Variants in RBM33 observed in about 807,000 individuals in gnomAD.
RBM33 encodes RNA-binding protein 33.
In RBM33, 28 loss-of-function variants were observed where a neutral mutation model predicts 132.6. That is an observed-to-expected ratio of 0.21 (90% CI 0.16 to 0.29). RBM33 has a LOEUF of 0.29. RBM33 is among the 10% of genes least tolerant of loss of function. The pLI, the probability that RBM33 is intolerant of heterozygous loss-of-function variation, is 1.00. For missense variants in RBM33, 1,291 were observed against 1,518.5 expected (o/e 0.85, Z 2.49); for synonymous variants, 634 against 593.0 (o/e 1.07, Z -1.01).
In RBM33 at chr7:155,739,694, CTCTT is replaced by C. The variant is rs1349007543; in HGVS notation, c.1738-15_1738-12del. 1.3e-6 allele frequency: 2 copies of C among 1,530,846 alleles called. No homozygotes were observed. The highest frequency in any genetic ancestry group is 1.8e-6 in the Non-Finnish European group (2 of 1,136,502). 94.8% of individuals were successfully genotyped at this position (1,530,846 alleles called of 1,614,324 possible). On this transcript the variant is annotated splice_polypyrimidine_tract_variant and intron_variant, in intron 11 of 17. Coordinates refer to ENST00000401878, the MANE Select transcript of RBM33 (RefSeq NM_053043.3). ...TGTAACCATTTATGAACTGTTGTTT[CTCTT>C]TCTTTGGAAATGGAAGGGGCCGTTG...
chr7:155,739,768 T>C lies in RBM33; in HGVS notation c.1791T>C (p.Pro597=). The change falls in exon 12 of 18, where the codon CCT becomes CCC. Residue 597 remains proline (P), a synonymous_variant. Transcript: ENST00000401878. The part of the protein sequence containing the change: ...PPPHQPQPQQ[P]QQQPPPQHQP... ...CGCATCAGCCTCAGCCTCAGCAACC[T>C]CAGCAACAGCCCCCGCCACAGCACC... 1 of 1,540,410 alleles carries C rather than the reference T, an allele frequency of 6.5e-7. No individual in the cohort carries two copies. The highest frequency in any genetic ancestry group is 1.4e-5 in the African/African-American group (1 of 71,634).
At chr7:155,738,680 G>A (rs887908753) in intron 11 of RBM33, 1 of 395,784 alleles carries the variant, frequency 2.5e-6, no homozygotes, top group African/African-American at 2.0e-5. Flanking sequence ...ATTAGGACAT[G>A]TTTTGATAAT....
intron 14 of RBM33, among the ~76,000 whole-genome samples, chr7:155,760,090 T>G (rs1801986049): frequency 6.6e-6 from 1 of 152,242 alleles, no homozygotes; most frequent in African/African-American, 2.4e-5. Flanking sequence ...TACTTAACTT[T>G]AAAAAGTACA....
intron 7 of RBM33, among the ~76,000 whole-genome samples, chr7:155,710,993 G>A (rs575833152): frequency 9.9e-5 from 15 of 151,298 alleles, no homozygotes; most frequent in African/African-American, 2.7e-4. Flanking sequence ...TTGTGAGACT[G>A]TAGCCCTCAT....
rs115044322 is a variant in RBM33, at chr7:155,670,344, C to G, written c.123-2523C>G. On this transcript the variant is annotated intron_variant, in intron 2 of 17. Coordinates refer to ENST00000401878, the MANE Select transcript of RBM33 (RefSeq NM_053043.3). ...TGCTGCCAGCCAGAGTGACTGCTCA[C>G]CCCTTTGAAACTGCCAGATGGAGAC... is the stretch of plus-strand genomic sequence containing the variant. Among the ~76,000 whole-genome samples the G allele has an allele frequency of 4.0e-3, 604 of 152,284 alleles. 5 individuals carry two copies. The highest frequency in any genetic ancestry group is 0.014 in the African/African-American group (583 of 41,546).
intron 5 of RBM33, among the ~76,000 whole-genome samples, chr7:155,690,567 G>A (rs1009490192): frequency 1.3e-5 from 2 of 152,122 alleles, no homozygotes; most frequent in African/African-American, 4.8e-5. Context: ...TAGTATCGAT[G>A]GTCTTTACAA....
Position 155,779,547 on chromosome 7 carries a change from AT to A in RBM33, c.*4510del, listed in dbSNP as rs1299670754. On this transcript the variant is annotated 3_prime_UTR_variant, in exon 18 of 18. Transcript: ENST00000401878. ...CTTGACTTAATATTAAATCCTAAGG[AT>A]TTTATGTAAGGTTTTTTTGCAACCT... 6.6e-6 allele frequency: 1 copy of A among 152,150 alleles called. No individual in the cohort carries two copies. Among genetic ancestry groups the A allele is most frequent in the East Asian group, 1.9e-4 (1 of 5,198 alleles). 9.4% of individuals were successfully genotyped at this position (152,150 alleles called of 1,614,324 possible). A position where few individuals can be genotyped will look rare whatever the true frequency, so the allele number is the denominator to read the frequency against.
chr7:155,647,487 G>C (rs1040621402), intron 1 of RBM33, among the ~76,000 whole-genome samples: 1 of 152,080 alleles, frequency 6.6e-6, no homozygotes, highest in African/African-American at 2.4e-5. Context: ...CTGGAGTGCA[G>C]TCGTATAATC....
At chr7:155,677,118 T>C (rs925443054) in intron 3 of RBM33, among the ~76,000 whole-genome samples, 4 of 152,172 alleles carry the variant, frequency 2.6e-5, no homozygotes, top group African/African-American at 9.7e-5. Flanking sequence ...GCCTGGCTCA[T>C]AGCTCTCACT....
chr7:155,724,990 TTGTGTGTGTGTGTGTGTGTGTGTGTGTG>T (rs56739117), intron 9 of RBM33, among the ~76,000 whole-genome samples: 1 of 123,290 alleles, frequency 8.1e-6, no homozygotes, highest in South Asian at 2.6e-4. Flanking sequence ...GTGTACAGGT[TTGTGTGTGTGTGTGTGTGTGTGTGTGTG>T]TGTGTGTGTG....
chr7:155,653,752 AT>A (rs1426715152), intron 1 of RBM33, among the ~76,000 whole-genome samples: 1 of 152,200 alleles, frequency 6.6e-6, no homozygotes, highest in East Asian at 1.9e-4. Context: ...ATCCTTTATA[AT>A]AAACTGTAAC....
chr7:155,750,012 C>T (rs932701852), intron 14 of RBM33, among the ~76,000 whole-genome samples: 8 of 152,112 alleles, frequency 5.3e-5, no homozygotes, highest in Non-Finnish European at 1.0e-4. Context: ...CCATTTTTTT[C>T]CCACTCATTT....
intron 1 of RBM33, among the ~76,000 whole-genome samples, chr7:155,660,943 C>A (rs779972938): frequency 4.0e-5 from 6 of 151,802 alleles, no homozygotes; most frequent in Non-Finnish European, 8.8e-5. Context: ...GATTTCTGTT[C>A]TTTGGATTAT....
At chr7:155,716,316 G>GTTTTTCTTTTTTTTTTTTTTTTTTTTTTT (rs1800460812) in intron 8 of RBM33, among the ~76,000 whole-genome samples, 1 of 102,384 alleles carries the variant, frequency 9.8e-6, no homozygotes, top group Non-Finnish European at 1.9e-5. Context: ...CTTTTCTGCT[G>GTTTTTCTTTTTTTTTTTTTTTTTTTTTTT]TTTTTTTTTT....
chr7:155,667,863 A>G (rs1192500102), intron 2 of RBM33, among the ~76,000 whole-genome samples: 2 of 152,206 alleles, frequency 1.3e-5, no homozygotes, highest in African/African-American at 2.4e-5. Flanking sequence ...TAACAAGTTC[A>G]AGCATATGTG....
chr7:155,715,032 A>G (rs1449565160), intron 8 of RBM33, among the ~76,000 whole-genome samples: 1 of 151,988 alleles, frequency 6.6e-6, no homozygotes, highest in Admixed American at 6.6e-5. Flanking sequence ...ACCCCTCCTG[A>G]CCCCATCGCA....
intron 1 of RBM33, among the ~76,000 whole-genome samples, chr7:155,661,828 A>G (rs969051027): frequency 6.6e-5 from 10 of 152,100 alleles, no homozygotes; most frequent in Admixed American, 3.3e-4. Context: ...ATCTTTTTCT[A>G]TGAAATCTGA....
chr7:155,717,300 C>T (rs1800490806), intron 8 of RBM33, among the ~76,000 whole-genome samples: 1 of 152,132 alleles, frequency 6.6e-6, no homozygotes, highest in South Asian at 2.1e-4. Flanking sequence ...CCTTCTGAGG[C>T]CTCTCTCCTT....
chr7:155,761,988 T>C (rs181016017), intron 14 of RBM33, among the ~76,000 whole-genome samples: 1 of 152,352 alleles, frequency 6.6e-6, no homozygotes, highest in Non-Finnish European at 1.5e-5. Flanking sequence ...AGTGTTTGTA[T>C]TATTTTTATT....
Sources: gnomAD v4.1 joint callset for allele counts (sites outside exome capture counted in the v4.1 genomes callset) on GRCh38, gnomAD v4.1.1 for gene constraint, MANE v1.5 for transcripts, NCBI Gene and HGNC (gene_info 2026-07-23, HGNC 2026-07-21) for gene names.